The following RTKN2 variants were observed in gnomAD, a reference collection of about 807,000 sequenced individuals.
RTKN2 encodes the protein rhotekin 2.
In RTKN2, 69 loss-of-function variants were observed where a neutral mutation model predicts 71.5. The ratio of observed to expected loss-of-function variants is 0.96; its 90% CI spans 0.79 to 1.18. RTKN2 has a LOEUF of 1.18. Ranked by LOEUF, RTKN2 falls within the 50% of genes most tolerant of loss-of-function variation. The probability of loss-of-function intolerance (pLI) is 0.00; values close to 1 mark genes in which losing one functional copy is unlikely to be tolerated. For missense variants in RTKN2, 724 were observed against 719.7 expected (o/e 1.01, Z -0.07); for synonymous variants, 236 against 236.5 (o/e 1.00, Z 0.02).
intron 9 of RTKN2, among the ~76,000 whole-genome samples, chr10:62,209,590 A>T (rs1412036112): frequency 6.6e-6 from 1 of 151,970 alleles, no homozygotes; most frequent in Non-Finnish European, 1.5e-5. Context: ...ACTATTAGTT[A>T]TTTTTCCTGA....
rs1246585607 is a variant in RTKN2, at chr10:62,194,959, A to C, written c.*2949T>G. 4.3e-5 allele frequency: 42 copies of C among 985,348 alleles called. No homozygotes were observed. Among genetic ancestry groups the C allele is most frequent in the Non-Finnish European group, 5.1e-5 (42 of 829,832 alleles). 61.0% of individuals were successfully genotyped at this position (985,348 alleles called of 1,614,324 possible). A position where few individuals can be genotyped will look rare whatever the true frequency, so the allele number is the denominator to read the frequency against. ...AGTTAAGGAGGATTTAACAAAACTC[A>C]GCAAGAGTTGGCACGCCTGATATTT... On this transcript the variant is annotated 3_prime_UTR_variant, in exon 12 of 12. Coordinates refer to ENST00000373789, the MANE Select transcript of RTKN2 (RefSeq NM_145307.4).
At chr10:62,227,685 A>T (rs959218302) in intron 6 of RTKN2, among the ~76,000 whole-genome samples, 1 of 152,172 alleles carries the variant, frequency 6.6e-6, no homozygotes, top group East Asian at 1.9e-4. Context: ...TCAAAATTAA[A>T]TGATTCCTCT....
intron 3 of RTKN2, among the ~76,000 whole-genome samples, chr10:62,243,576 G>C (rs141696966): frequency 1.3e-5 from 2 of 152,264 alleles, no homozygotes; most frequent in Non-Finnish European, 2.9e-5. Context: ...ATGCCGAAGA[G>C]AGGAGGGTAG....
At chr10:62,257,091 C>A (rs1332130900) in intron 2 of RTKN2, among the ~76,000 whole-genome samples, 2 of 152,186 alleles carry the variant, frequency 1.3e-5, no homozygotes, top group Non-Finnish European at 2.9e-5. Flanking sequence ...TAAGTAAGTA[C>A]ACAACACTGT....
chr10:62,238,255 A>G (rs1429944462), intron 5 of RTKN2: 1 of 152,048 alleles, frequency 6.6e-6, no homozygotes, highest in African/African-American at 2.4e-5. Context: ...AGATTCATAA[A>G]TATTGAATAC....
chr10:62,231,690 TA>T lies in RTKN2; in HGVS notation c.686+4375del, dbSNP rs897117029. ...TTTTTTGGAGGAAGGGGAATGTTAT[TA>T]AAAAAAAATGGCTTAAATGGTAGTC... On this transcript the variant is annotated intron_variant, in intron 6 of 11. Transcript: ENST00000373789. 3.6e-4 allele frequency among the ~76,000 whole-genome samples: 54 copies of T among 151,228 alleles called. No individual in the cohort carries two copies. The East Asian group carries it at 4.3e-3, about 12-fold the overall frequency.
intron 6 of RTKN2, among the ~76,000 whole-genome samples, chr10:62,226,599 T>C (rs1842028742): frequency 6.6e-6 from 1 of 152,250 alleles, no homozygotes; most frequent in Non-Finnish European, 1.5e-5. Flanking sequence ...AGACTCACAC[T>C]TAGGCTTTTC....
chr10:62,209,085 C>A (rs979642681), intron 9 of RTKN2, among the ~76,000 whole-genome samples: 4 of 152,014 alleles, frequency 2.6e-5, no homozygotes, highest in African/African-American at 9.7e-5. Flanking sequence ...GCCTAACCAA[C>A]GCGGAGAAAC....
intron 9 of RTKN2, among the ~76,000 whole-genome samples, chr10:62,214,262 C>T (rs1320614493): frequency 1.3e-5 from 2 of 152,012 alleles, no homozygotes; most frequent in South Asian, 4.2e-4. Context: ...CTCTTTTGTA[C>T]TTTAGACAGA....
In RTKN2 at chr10:62,193,568, A is replaced by G; in HGVS notation, c.*4340T>C. 1 of 983,808 alleles carries G rather than the reference A, an allele frequency of 1.0e-6. No individual in the cohort carries two copies. Among genetic ancestry groups the G allele is most frequent in the South Asian group, 4.7e-5 (1 of 21,256 alleles). 60.9% of individuals were successfully genotyped at this position (983,808 alleles called of 1,614,324 possible). ...ATATTTCTGATCACACTACAGATTT[A>G]GAAATAAAATGCTGAAATAATCCAA... On this transcript the variant is annotated 3_prime_UTR_variant, in exon 12 of 12. Transcript: ENST00000373789.
intron 2 of RTKN2, among the ~76,000 whole-genome samples, chr10:62,250,068 C>A (rs74156142): frequency 0.12 from 17,881 of 152,194 alleles, 1,100 homozygotes; most frequent in African/African-American, 0.14. Context: ...TTTTAATTTA[C>A]CGTAAATGGG....
At chr10:62,225,073 A>G (rs1841992058) in intron 6 of RTKN2, among the ~76,000 whole-genome samples, 1 of 152,248 alleles carries the variant, frequency 6.6e-6, no homozygotes, top group Non-Finnish European at 1.5e-5. Flanking sequence ...CCTTTACTCA[A>G]CTAGGCCTCA....
At position 62,250,272 on chromosome 10, in the gene RTKN2, T is replaced by C. The variant is rs533080729; in HGVS notation, c.258-4215A>G. 1.6e-3 allele frequency among the ~76,000 whole-genome samples: 247 copies of C among 152,308 alleles called. 2 individuals carry two copies. Among genetic ancestry groups the C allele is most frequent in the South Asian group, 9.7e-3 (47 of 4,828 alleles). The stretch of plus-strand genomic sequence containing the variant: ...AGAAAGGGCTCCAAAAGTACTTTGA[T>C]TCAAAAGTTAAGTCCTGTAAGATAC... On this transcript the variant is annotated intron_variant, in intron 2 of 11. Transcript: ENST00000373789.
intron 1 of RTKN2, among the ~76,000 whole-genome samples, chr10:62,265,099 G>T (rs953191317): frequency 1.4e-5 from 1 of 69,656 alleles, no homozygotes; most frequent in Non-Finnish European, 3.4e-5. Context: ...GTAAAGTCAG[G>T]ATTAAAAAAA....
chr10:62,225,353 T>C (rs768860938), intron 6 of RTKN2, among the ~76,000 whole-genome samples: 79 of 152,220 alleles, frequency 5.2e-4, no homozygotes, highest in Non-Finnish European at 1.1e-3. Context: ...TCTGGAACTT[T>C]TCACTTAGCT....
At chr10:62,206,398 G>A (rs961558352) in intron 9 of RTKN2, among the ~76,000 whole-genome samples, 2 of 152,140 alleles carry the variant, frequency 1.3e-5, no homozygotes, top group African/African-American at 4.8e-5. Context: ...CATTACAGAA[G>A]TAGCAGGGTT....
intron 9 of RTKN2, among the ~76,000 whole-genome samples, chr10:62,206,244 A>C (rs1286133507): frequency 6.6e-6 from 1 of 152,156 alleles, no homozygotes; most frequent in East Asian, 1.9e-4. Flanking sequence ...AGCCTACTGT[A>C]ATGTGTGACA....
At chr10:62,240,409 T>C (rs1366090862) in intron 4 of RTKN2, among the ~76,000 whole-genome samples, 1 of 152,178 alleles carries the variant, frequency 6.6e-6, no homozygotes, top group African/African-American at 2.4e-5. Context: ...ACTTACTCTC[T>C]TTAGTAATCA....
chr10:62,268,433 C>T (rs967975252), intron 1 of RTKN2, 118 bp downstream of exon 1: 3 of 995,170 alleles, frequency 3.0e-6, no homozygotes, highest in East Asian at 5.2e-5. Context: ...TGTTTCTGGC[C>T]ACCGCTGAAA....
Sources: gnomAD v4.1 joint callset for allele counts (sites outside exome capture counted in the v4.1 genomes callset) on GRCh38, gnomAD v4.1.1 for gene constraint, MANE v1.5 for transcripts, NCBI Gene and HGNC (gene_info 2026-07-23, HGNC 2026-07-21) for gene names.